The following DOCK3 variants were observed in gnomAD, a reference collection of about 807,000 sequenced individuals.
The protein encoded by DOCK3 is dedicator of cytokinesis 3.
Under a neutral mutation model 265.6 loss-of-function variants are expected in DOCK3, and 60 were observed. The observed-to-expected ratio is 0.23, with a 90% confidence interval of 0.18 to 0.28. DOCK3 has a LOEUF of 0.28. Among genes scored for constraint, DOCK3 ranks in the 10% least tolerant of loss-of-function variants. DOCK3 has a pLI of 1.00. For missense variants in DOCK3, 1,981 were observed against 2,594.3 expected (o/e 0.76, Z 5.14); for synonymous variants, 881 against 938.0 (o/e 0.94, Z 1.11).
intron 2 of DOCK3, among the ~76,000 whole-genome samples, chr3:50,830,130 T>C (rs2045049898): frequency 1.3e-5 from 2 of 152,332 alleles, no homozygotes; most frequent in South Asian, 4.1e-4. Context: ...GTTTCCTGCC[T>C]ATTATTAGTT....
At chr3:51,217,214 G>A (rs954637752) in intron 14 of DOCK3, among the ~76,000 whole-genome samples, 1 of 151,490 alleles carries the variant, frequency 6.6e-6, no homozygotes, top group South Asian at 2.1e-4. Flanking sequence ...TGGCAGAGCT[G>A]TAAGGGAGAG....
At chr3:51,289,072 T>TA (rs1405901068) in intron 27 of DOCK3, among the ~76,000 whole-genome samples, 1 of 151,894 alleles carries the variant, frequency 6.6e-6, no homozygotes, top group Non-Finnish European at 1.5e-5. Flanking sequence ...CTAGGTTATT[T>TA]AAAAAAAGAA....
At chr3:51,130,332 TG>T (rs532913506) in intron 9 of DOCK3, among the ~76,000 whole-genome samples, 127 of 152,330 alleles carry the variant, frequency 8.3e-4, no homozygotes, top group African/African-American at 2.9e-3. Flanking sequence ...GATATACCCC[TG>T]AGGTAGGACA....
chr3:50,936,225 G>C (rs2051352364), intron 5 of DOCK3, among the ~76,000 whole-genome samples: 1 of 151,868 alleles, frequency 6.6e-6, no homozygotes, highest in Non-Finnish European at 1.5e-5. Context: ...AGGTCAATTT[G>C]AAGATAGCTC....
chr3:50,758,049 G>A (rs931750434), intron 1 of DOCK3, among the ~76,000 whole-genome samples: 2 of 151,652 alleles, frequency 1.3e-5, no homozygotes, highest in Admixed American at 6.6e-5. Flanking sequence ...GTGGCAGTGT[G>A]TGTGTGTAGT....
At chr3:50,990,281 C>T (rs148008092) in intron 5 of DOCK3, among the ~76,000 whole-genome samples, 1 of 152,272 alleles carries the variant, frequency 6.6e-6, no homozygotes, top group African/African-American at 2.4e-5. Context: ...GAGTGGCCAA[C>T]AGTCAAATTC....
chr3:51,330,103 C>A (rs754263957), intron 32 of DOCK3, 35 bp from the exon 33 acceptor site: 2 of 1,561,484 alleles, frequency 1.3e-6, no homozygotes, highest in South Asian at 2.4e-5. Flanking sequence ...TTTCTGAGGT[C>A]ATCTCAGGTT....
chr3:50,769,304 A>G (rs1282982792), intron 1 of DOCK3, among the ~76,000 whole-genome samples: 1 of 152,184 alleles, frequency 6.6e-6, no homozygotes, highest in Non-Finnish European at 1.5e-5. Flanking sequence ...GGTCTTTACT[A>G]GTAGCATTCA....
At chr3:50,999,989 TC>T (rs2078417142) in intron 5 of DOCK3, among the ~76,000 whole-genome samples, 1 of 152,192 alleles carries the variant, frequency 6.6e-6, no homozygotes, top group Non-Finnish European at 1.5e-5. Flanking sequence ...GGCCACTGCT[TC>T]AACACCTAGT....
intron 1 of DOCK3, among the ~76,000 whole-genome samples, chr3:50,684,994 C>T (rs1188479373): frequency 6.6e-6 from 1 of 151,498 alleles, no homozygotes; most frequent in Admixed American, 6.6e-5. Context: ...CCAGACAACC[C>T]CTTTCAACAT....
chr3:50,727,717 A>ACAAAACAAAAC (rs1338356276), intron 1 of DOCK3, among the ~76,000 whole-genome samples: 2 of 152,160 alleles, frequency 1.3e-5, no homozygotes, highest in East Asian at 3.8e-4. Flanking sequence ...ACAAAACAAA[A>ACAAAACAAAAC]AAGGATGAAA....
intron 23 of DOCK3, 83 bp downstream of exon 23, chr3:51,260,409 AAG>A (rs762041443): frequency 2.4e-5 from 35 of 1,432,246 alleles, no homozygotes; most frequent in Non-Finnish European, 3.3e-5. Context: ...TTCAGAGATG[AAG>A]AAGCCCTGCC....
At chr3:51,209,356 C>G (rs1576419101) in intron 13 of DOCK3, among the ~76,000 whole-genome samples, 1 of 152,244 alleles carries the variant, frequency 6.6e-6, no homozygotes, top group African/African-American at 2.4e-5. Context: ...TTCAAAGAAG[C>G]TTCATCTTAG....
At chr3:50,980,233 C>T (rs982828936) in intron 5 of DOCK3, among the ~76,000 whole-genome samples, 5 of 152,154 alleles carry the variant, frequency 3.3e-5, no homozygotes, top group East Asian at 3.8e-4. Context: ...TTTTGTCCTT[C>T]ATTCTGTTGC....
chr3:50,795,100 C>T (rs1340209249), intron 2 of DOCK3, among the ~76,000 whole-genome samples: 1 of 152,042 alleles, frequency 6.6e-6, no homozygotes, highest in Admixed American at 6.6e-5. Flanking sequence ...GAGAGGTCCA[C>T]TGTTAGTCTG....
At chr3:50,860,161 G>C (rs989736809) in intron 3 of DOCK3, among the ~76,000 whole-genome samples, 4 of 152,180 alleles carry the variant, frequency 2.6e-5, no homozygotes, top group Non-Finnish European at 5.9e-5. Flanking sequence ...AGCCATGGGG[G>C]TTGTATGGGA....
intron 1 of DOCK3, among the ~76,000 whole-genome samples, chr3:50,689,019 G>A (rs2035033581): frequency 1.3e-5 from 2 of 152,206 alleles, no homozygotes; most frequent in South Asian, 2.1e-4. Flanking sequence ...ATTAAGTGTC[G>A]GATTGTGACT....
At position 50,778,740 on chromosome 3, in the gene DOCK3, A is replaced by G; in HGVS notation, c.103A>G (p.Ile35Val). The G allele has an allele frequency of 1.9e-6, 3 of 1,582,076 alleles. No individual in the cohort carries two copies. The highest frequency in any genetic ancestry group is 2.6e-6 in the Non-Finnish European group (3 of 1,162,718). ...CTTAGAAATAGGAGAAACAGTCCAG[A>G]TTCTTGAAAAATGTGAAGGTGAGTA... ...LVLEIGETVQ[I>V]LEKCEGWYRG... is the part of the protein sequence containing the mutation. Residue 35 changes from isoleucine (I) to valine (V), a missense_variant, in exon 2 of 53, where the codon ATT becomes GTT. Coordinates refer to ENST00000266037, the MANE Select transcript of DOCK3 (RefSeq NM_004947.5).
chr3:50,936,453 G>A (rs952786563), intron 5 of DOCK3, among the ~76,000 whole-genome samples: 1 of 151,508 alleles, frequency 6.6e-6, no homozygotes, highest in South Asian at 2.1e-4. Flanking sequence ...TTTTACATTC[G>A]GGAAGCTTAG....
Sources: allele counts gnomAD v4.1 joint callset (sites outside exome capture counted in the v4.1 genomes callset), GRCh38; gene constraint gnomAD v4.1.1; transcripts MANE v1.5; gene names NCBI Gene and HGNC (gene_info 2026-07-23, HGNC 2026-07-21).